The following RGS7 variants were observed in gnomAD, a reference collection of about 807,000 sequenced individuals.
The protein encoded by RGS7 is regulator of G-protein signaling 7.
A neutral mutation model predicts 81.1 loss-of-function variants in RGS7; 27 were observed. The ratio of observed to expected loss-of-function variants is 0.33; its 90% CI spans 0.25 to 0.46. RGS7 has a LOEUF of 0.46. Ranked by LOEUF, RGS7 falls within the 20% of genes least tolerant of loss-of-function variation. The pLI is 1.00. For synonymous variants in RGS7, 208 were observed against 207.7 expected (o/e 1.00, Z -0.01); for missense variants, 396 against 607.4 (o/e 0.65, Z 3.66).
At chr1:241,100,611 A>G (rs1428299057) in intron 2 of RGS7, among the ~76,000 whole-genome samples, 1 of 152,146 alleles carries the variant, frequency 6.6e-6, no homozygotes, top group Non-Finnish European at 1.5e-5. Flanking sequence ...GAGTAAGTTA[A>G]ATAACCTCTC....
At chr1:240,805,547 C>T (rs1307530416) in intron 15 of RGS7, among the ~76,000 whole-genome samples, 1 of 151,994 alleles carries the variant, frequency 6.6e-6, no homozygotes, top group East Asian at 1.9e-4. Context: ...GAAAATTTGC[C>T]TTAGGAAGTT....
At chr1:241,041,470 T>G (rs1659374899) in intron 3 of RGS7, among the ~76,000 whole-genome samples, 1 of 152,240 alleles carries the variant, frequency 6.6e-6, no homozygotes, top group East Asian at 1.9e-4. Context: ...CTCATGAGTA[T>G]TTTACATAGG....
chr1:240,898,892 C>A (rs535168299), intron 6 of RGS7, among the ~76,000 whole-genome samples: 1 of 152,294 alleles, frequency 6.6e-6, no homozygotes, highest in Admixed American at 6.5e-5. Context: ...ATGTTAAAAT[C>A]TCCCATTATT....
intron 2 of RGS7, among the ~76,000 whole-genome samples, chr1:241,353,422 A>G (rs1487142041): frequency 6.6e-6 from 1 of 152,222 alleles, no homozygotes; most frequent in Non-Finnish European, 1.5e-5. Context: ...CCTGATAACT[A>G]GCAAATGATA....
chr1:241,050,897 T>A (rs963881609), intron 3 of RGS7, among the ~76,000 whole-genome samples: 12 of 152,314 alleles, frequency 7.9e-5, no homozygotes, highest in Non-Finnish European at 1.2e-4. Flanking sequence ...GTTTATATGA[T>A]TGGTAAGGCT....
rs75804623 is a variant in RGS7, at chr1:241,081,053, G to A, written c.175+17613C>T. 7.9e-3 allele frequency among the ~76,000 whole-genome samples: 1,209 copies of A among 152,242 alleles called. 26 individuals carry two copies. The highest frequency in any genetic ancestry group is 0.028 in the African/African-American group (1,176 of 41,536). ...GTCTTATTGATCACGGGAGCACACT[G>A]GAGCGGTGACTTTATGAACTAGGCT... On this transcript the variant is annotated intron_variant, in intron 3 of 18. Coordinates refer to ENST00000440928, the MANE Select transcript of RGS7 (RefSeq NM_001364886.1).
chr1:241,134,592 C>T (rs750198799), intron 2 of RGS7, among the ~76,000 whole-genome samples: 1 of 152,176 alleles, frequency 6.6e-6, no homozygotes, highest in African/African-American at 2.4e-5. Context: ...TATCCCCACA[C>T]CTACGCCATA....
intron 2 of RGS7, among the ~76,000 whole-genome samples, chr1:241,177,861 G>C (rs1268794050): frequency 1.4e-5 from 2 of 146,070 alleles, no homozygotes; most frequent in African/African-American, 5.4e-5. Context: ...GTCATTTGCT[G>C]AGTCAGGGAA....
At chr1:241,007,070 C>A (rs1474300003) in intron 3 of RGS7, among the ~76,000 whole-genome samples, 11 of 152,202 alleles carry the variant, frequency 7.2e-5, no homozygotes, top group African/African-American at 2.6e-4. Context: ...ACACATGCCA[C>A]CATGCCCAGC....
chr1:241,149,866 C>T (rs1043683529), intron 2 of RGS7, among the ~76,000 whole-genome samples: 18 of 152,090 alleles, frequency 1.2e-4, no homozygotes, highest in Admixed American at 9.8e-4. Flanking sequence ...ACCTCCACCT[C>T]CAGGGTTCAC....
chr1:240,961,696 T>C (rs1207540551), intron 4 of RGS7, among the ~76,000 whole-genome samples: 3 of 152,200 alleles, frequency 2.0e-5, no homozygotes, highest in Admixed American at 2.0e-4. Context: ...GGCATTGAAC[T>C]GGTACCTTTC....
chr1:240,878,295 T>C (rs943011324), intron 6 of RGS7, among the ~76,000 whole-genome samples: 1 of 152,024 alleles, frequency 6.6e-6, no homozygotes, highest in African/African-American at 2.4e-5. Flanking sequence ...CTATTCTTCT[T>C]CCCTCCACCG....
intron 6 of RGS7, among the ~76,000 whole-genome samples, chr1:240,876,458 C>T (rs969147388): frequency 2.0e-5 from 3 of 152,182 alleles, no homozygotes; most frequent in African/African-American, 7.2e-5. Flanking sequence ...CCCTTTACAC[C>T]TGATCTTGAC....
At chr1:240,794,612 A>G (rs997632256) in intron 18 of RGS7, among the ~76,000 whole-genome samples, 42 of 152,314 alleles carry the variant, frequency 2.8e-4, no homozygotes, top group African/African-American at 1.0e-3. Context: ...GTGTTCAGCC[A>G]GGAGGGACAT....
chr1:240,928,301 C>T lies in RGS7; in HGVS notation c.385+2416G>A, dbSNP rs150496326. ...TTTTCCAACACACTGGATTTTTCTG[C>T]TCTGTTCTTTGGTTTCTTGGCTCCT... is the stretch of plus-strand genomic sequence containing the variant. On this transcript the variant is annotated intron_variant, in intron 6 of 18. Transcript: ENST00000440928. 1.7e-3 allele frequency among the ~76,000 whole-genome samples: 256 copies of T among 152,288 alleles called. 2 individuals carry two copies. Among genetic ancestry groups the T allele is most frequent in the African/African-American group, 6.1e-3 (255 of 41,552 alleles).
At chr1:240,793,613 T>TATATATATA (rs1558259636) in intron 18 of RGS7, among the ~76,000 whole-genome samples, 2 of 88,360 alleles carry the variant, frequency 2.3e-5, no homozygotes, top group African/African-American at 1.2e-4. Flanking sequence ...ATATATATAT[T>TATATATATA]TTTTTTTTTT....
At chr1:241,036,695 T>C (rs538423) in intron 3 of RGS7, among the ~76,000 whole-genome samples, 52,015 of 152,136 alleles carry the variant, frequency 0.34, 11,076 homozygotes, top group East Asian at 0.68. Context: ...AAGGATTAGA[T>C]GGTTTGCCTA....
At chr1:241,345,857 A>G (rs564772722) in intron 2 of RGS7, among the ~76,000 whole-genome samples, 2 of 152,194 alleles carry the variant, frequency 1.3e-5, no homozygotes, top group South Asian at 4.2e-4. Flanking sequence ...CTCTACTAAA[A>G]TACAAAAAAT....
chr1:240,976,238 GC>G (rs1684041937), intron 4 of RGS7, among the ~76,000 whole-genome samples: 1 of 152,208 alleles, frequency 6.6e-6, no homozygotes, highest in Admixed American at 6.5e-5. Context: ...TAGTTGCTGT[GC>G]CCCCAGAGTG....
Sources: allele counts gnomAD v4.1 joint callset (sites outside exome capture counted in the v4.1 genomes callset), GRCh38; gene constraint gnomAD v4.1.1; transcripts MANE v1.5; gene names NCBI Gene and HGNC (gene_info 2026-07-23, HGNC 2026-07-21).